Variants in MESD observed in about 807,000 individuals in gnomAD.
MESD encodes the protein LRP chaperone MESD.
A neutral mutation model predicts 12.9 loss-of-function variants in MESD; 7 were observed. That is an observed-to-expected ratio of 0.54 (90% CI 0.31 to 1.02). The LOEUF (loss-of-function observed/expected upper bound fraction) is 1.02, where lower values mean the gene tolerates loss of function less well. Among genes scored for constraint, MESD ranks in the 50% least tolerant of loss-of-function variants. The pLI, the probability that MESD is intolerant of heterozygous loss-of-function variation, is 0.05. For missense variants in MESD, 342 were observed against 296.7 expected, an observed-to-expected ratio of 1.15 and a Z score of -1.12; for synonymous variants, 126 against 115.6, an observed-to-expected ratio of 1.09 and a Z score of -0.58.
At chr15:80,962,172 A>T (rs938837326) in intron 3 of MESD, among the ~76,000 whole-genome samples, 1 of 152,216 alleles carries the variant, frequency 6.6e-6, no homozygotes, top group African/African-American at 2.4e-5. Context: ...GAAAGCGAAA[A>T]ACAGCAGGGG....
intron 3 of MESD, among the ~76,000 whole-genome samples, chr15:80,969,863 A>C (rs570305669): frequency 1.3e-5 from 2 of 152,302 alleles, no homozygotes; most frequent in African/African-American, 4.8e-5. Context: ...TTAAAAAACA[A>C]CAACAAAAAA....
intron 2 of MESD, among the ~76,000 whole-genome samples, 169 bp from the exon 3 acceptor site, chr15:80,979,646 C>A (rs1902520719): frequency 2.6e-5 from 4 of 152,226 alleles, no homozygotes; most frequent in African/African-American, 9.6e-5. Flanking sequence ...TATTAAAATA[C>A]TAGCTTGCTG....
At chr15:80,954,180 C>T (rs1303105530) in intron 3 of MESD, among the ~76,000 whole-genome samples, 2 of 152,218 alleles carry the variant, frequency 1.3e-5, no homozygotes, top group East Asian at 3.9e-4. Flanking sequence ...CAGCTTTCTC[C>T]TTCCTCTCCT....
downstream of MESD, chr15:80,947,038 G>C (rs1380085525): frequency 1.9e-6 from 3 of 1,613,572 alleles, no homozygotes; most frequent in Non-Finnish European, 2.5e-6. Context: ...GGAAAAGCTT[G>C]GGGCAGACAG....
downstream of MESD, among the ~76,000 whole-genome samples, chr15:80,973,899 T>C (rs866693597): frequency 6.6e-6 from 1 of 152,222 alleles, no homozygotes; most frequent in South Asian, 2.1e-4. Context: ...AGCCACATAT[T>C]GCATGACCTT....
intron 1 of MESD, among the ~76,000 whole-genome samples, chr15:80,985,925 G>A (rs1156893465): frequency 1.3e-5 from 2 of 152,084 alleles, no homozygotes; most frequent in African/African-American, 2.4e-5. Context: ...AAAGTGCTGG[G>A]GTTACAGGCA....
chr15:80,967,785 G>A (rs1036032600), intron 3 of MESD, among the ~76,000 whole-genome samples: 3 of 152,174 alleles, frequency 2.0e-5, no homozygotes, highest in African/African-American at 4.8e-5. Context: ...CAGAAACTTC[G>A]GCAGACTTCT....
At chr15:80,972,046 A>C (rs1902299869), downstream of MESD, among the ~76,000 whole-genome samples, 1 of 152,128 alleles carries the variant, frequency 6.6e-6, no homozygotes, top group Non-Finnish European at 1.5e-5. Context: ...AACTAAAAAA[A>C]CTCAAATATA....
rs536028552 is a variant in MESD, at chr15:80,955,616, C to CGTGTGTGTGT, written c.*289-3330_*289-3321dup. On this transcript the variant is annotated intron_variant, in intron 3 of 4. Transcript: ENST00000561312. ...AAAGTTTGAGAAGTGTGTGTTTGTG[C>CGTGTGTGTGT]GTGTGTGTGTGTGTGTGTGTGTGAG... Among the ~76,000 whole-genome samples, 294 of 144,952 alleles carry CGTGTGTGTGT rather than the reference C, an allele frequency of 2.0e-3. 3 individuals are homozygous for CGTGTGTGTGT. The Middle Eastern group carries it at 0.032, about 16-fold the overall frequency.
Position 80,989,573 on chromosome 15 carries a change from G to C in MESD, c.213+6C>G. Reference sequence around the variant, plus strand: ...AGAGCCGGGAGGGTGTGCGCGCGCCGCGGACCTCCCATTGCTCCAGAAGAC... The same window carrying C: ...AGAGCCGGGAGGGTGTGCGCGCGCCCCGGACCTCCCATTGCTCCAGAAGAC... On this transcript the variant is annotated splice_donor_region_variant and intron_variant, in intron 1 of 2. Coordinates refer to ENST00000261758, the MANE Select transcript of MESD (RefSeq NM_015154.3). 2 of 1,612,072 alleles carry C rather than the reference G, an allele frequency of 1.2e-6. No homozygotes were observed. The highest frequency in any genetic ancestry group is 1.7e-6 in the Non-Finnish European group (2 of 1,178,846).
Position 80,979,438 on chromosome 15 carries a change from G to A in MESD, c.486C>T (p.Arg162=), listed in dbSNP as rs774626050. The change falls in exon 3 of 3, where the codon CGC becomes CGT. Residue 162 remains arginine, a synonymous_variant. Coordinates refer to ENST00000261758, the MANE Select transcript of MESD (RefSeq NM_015154.3). Reference sequence around the variant, plus strand: ...TGATCTCCCAGGCGTAGCTCCCATCGCGAAGCATGAAGATAGCACGGTCTG... The same window carrying A: ...TGATCTCCCAGGCGTAGCTCCCATCACGAAGCATGAAGATAGCACGGTCTG... ...VGSDRAIFML[R]DGSYAWEIKD... 5.6e-6 allele frequency: 9 copies of A among 1,614,026 alleles called. No homozygotes were observed. The highest frequency in any genetic ancestry group is 4.5e-5 in the East Asian group (2 of 44,896).
chr15:80,989,744 G>C lies in MESD; in HGVS notation c.48C>G (p.Ala16=), dbSNP rs61999344. 1,329 of 1,603,638 alleles carry C rather than the reference G, an allele frequency of 8.3e-4. 7 individuals are homozygous for C. The African/African-American group carries it at 0.015, about 19-fold the overall frequency. The change falls in exon 1 of 3, where the codon GCC becomes GCG. Residue 16 remains alanine (A), a synonymous_variant. Transcript: ENST00000261758. ...WARKAVVLLC[A]SDLLLLLLLL... is the part of the protein sequence containing the mutation. Reference sequence around the variant, plus strand: ...GTAGCAGCAGCAGCAGCAGGTCAGAGGCACAAAGCAGGACCACGGCCTTGC... The same window carrying C: ...GTAGCAGCAGCAGCAGCAGGTCAGACGCACAAAGCAGGACCACGGCCTTGC...
At chr15:80,966,849 G>A (rs1349658720) in intron 3 of MESD, among the ~76,000 whole-genome samples, 1 of 152,106 alleles carries the variant, frequency 6.6e-6, no homozygotes, top group Non-Finnish European at 1.5e-5. Flanking sequence ...TCCTGATTCT[G>A]CATCTCAAAA....
At position 80,979,034 on chromosome 15, in the gene MESD, C is replaced by G. The variant is rs959901740; in HGVS notation, c.*185G>C. ...CCAGTATTAATTAGAAAACATCTGT[C>G]TTCTTACTTGAAGCCTATTAAGCAG... On this transcript the variant is annotated 3_prime_UTR_variant, in exon 3 of 3. Coordinates refer to ENST00000261758, the MANE Select transcript of MESD (RefSeq NM_015154.3). 4.3e-6 allele frequency: 3 copies of G among 702,090 alleles called. No homozygotes were observed. The African/African-American group carries it at 5.4e-5, about 13-fold the overall frequency. 43.5% of individuals were successfully genotyped at this position (702,090 alleles called of 1,614,324 possible). A position where few individuals can be genotyped will look rare whatever the true frequency, so the allele number is the denominator to read the frequency against.
intron 1 of MESD, among the ~76,000 whole-genome samples, chr15:80,988,312 T>C (rs184625210): frequency 6.6e-6 from 1 of 152,334 alleles, no homozygotes; most frequent in East Asian, 1.9e-4. Flanking sequence ...TTTCTTGGCC[T>C]TCAAAGTCTC....
chr15:80,952,233 T>C (rs568348959), exon 4 of MESD: 80 of 455,992 alleles, frequency 1.8e-4, no homozygotes, highest in Non-Finnish European at 2.9e-4. Flanking sequence ...CAAATCAAAC[T>C]GGCAGACGAG....
At chr15:80,954,200 G>GC (rs1385720488) in intron 3 of MESD, among the ~76,000 whole-genome samples, 10 of 152,136 alleles carry the variant, frequency 6.6e-5, no homozygotes, top group Non-Finnish European at 1.3e-4. Context: ...TGGGCCCAGG[G>GC]CCCAGTGCCT....
In MESD at chr15:80,988,248, G is replaced by A. The variant is rs188998861; in HGVS notation, c.213+1331C>T. On this transcript the variant is annotated intron_variant, in intron 1 of 2. Coordinates refer to ENST00000261758, the MANE Select transcript of MESD (RefSeq NM_015154.3). ...CTCAATGTCATCATCTAGAAAATAG[G>A]GATAAGTACCTCCCTCATGGATGGG... is the stretch of plus-strand genomic sequence containing the variant. Among the ~76,000 whole-genome samples the A allele has an allele frequency of 5.3e-5, 8 of 152,282 alleles. No homozygotes were observed. In the East Asian group the frequency reaches 1.3e-3, roughly 26 times the overall value.
downstream of MESD, chr15:80,946,776 T>C (rs1901573746): frequency 3.2e-6 from 2 of 621,352 alleles, no homozygotes; most frequent in Non-Finnish European, 5.9e-6. Flanking sequence ...GAGCTCAGGA[T>C]GTTCGTCACC....
Sources: gnomAD v4.1 joint callset for allele counts (sites outside exome capture counted in the v4.1 genomes callset) on GRCh38, gnomAD v4.1.1 for gene constraint, MANE v1.5 for transcripts, NCBI Gene and HGNC (gene_info 2026-07-23, HGNC 2026-07-21) for gene names.